Variants in BRINP3 observed in about 807,000 individuals in gnomAD.
BRINP3 encodes BMP/retinoic acid inducible neural specific 3.
In BRINP3, 19 loss-of-function variants were observed where a neutral mutation model predicts 71.0. That is an observed-to-expected ratio of 0.27 (90% confidence interval 0.19 to 0.39). The LOEUF is 0.39. Among genes scored for constraint, BRINP3 ranks in the 10% least tolerant of loss-of-function variants. The probability of loss-of-function intolerance (pLI) is 1.00; values close to 1 mark genes in which losing one functional copy is unlikely to be tolerated. For synonymous variants in BRINP3, 380 were observed against 337.7 expected, an observed-to-expected ratio of 1.13 and a Z score of -1.37; for missense variants, 959 against 940.8, an observed-to-expected ratio of 1.02 and a Z score of -0.25.
At chr1:190,454,104 G>C (rs1675829216) in intron 2 of BRINP3, among the ~76,000 whole-genome samples, 1 of 152,268 alleles carries the variant, frequency 6.6e-6, no homozygotes, top group East Asian at 1.9e-4. Context: ...AGATGTTAAA[G>C]ATCATATATC....
At chr1:190,443,743 T>C (rs1047245320) in intron 2 of BRINP3, among the ~76,000 whole-genome samples, 1 of 152,100 alleles carries the variant, frequency 6.6e-6, no homozygotes, top group Non-Finnish European at 1.5e-5. Context: ...CCACCAGCAG[T>C]TGGAAACATC....
intron 2 of BRINP3, among the ~76,000 whole-genome samples, chr1:190,321,463 A>C (rs909534122): frequency 1.4e-4 from 21 of 152,170 alleles, no homozygotes; most frequent in African/African-American, 4.3e-4. Context: ...ATTCTGATTT[A>C]TAGAAATAAA....
intron 2 of BRINP3, among the ~76,000 whole-genome samples, chr1:190,401,743 A>G (rs1462920390): frequency 6.6e-6 from 1 of 151,818 alleles, no homozygotes; most frequent in African/African-American, 2.4e-5. Flanking sequence ...ATAAAAGAAA[A>G]CAATTATTTT....
chr1:190,250,634 T>C (rs766007500), intron 4 of BRINP3, among the ~76,000 whole-genome samples: 2 of 151,914 alleles, frequency 1.3e-5, no homozygotes, highest in Non-Finnish European at 2.9e-5. Context: ...TAATAGGAAA[T>C]AAGAGACTCT....
chr1:190,472,551 T>C (rs1295268968), intron 1 of BRINP3, among the ~76,000 whole-genome samples: 1 of 151,680 alleles, frequency 6.6e-6, no homozygotes. Context: ...AATATGCAAT[T>C]TGCTAAATTA....
chr1:190,231,574 T>A (rs1265465697), intron 5 of BRINP3, among the ~76,000 whole-genome samples: 1 of 151,850 alleles, frequency 6.6e-6, no homozygotes, highest in Non-Finnish European at 1.5e-5. Context: ...AGAGGCACCT[T>A]GTTTGATGTG....
At chr1:190,112,070 C>T (rs1338592488) in intron 7 of BRINP3, among the ~76,000 whole-genome samples, 5 of 152,028 alleles carry the variant, frequency 3.3e-5, no homozygotes, top group Non-Finnish European at 7.4e-5. Flanking sequence ...GAAGTTGAGC[C>T]TATTGACCAA....
intron 6 of BRINP3, among the ~76,000 whole-genome samples, chr1:190,189,789 T>A (rs1295990121): frequency 6.6e-6 from 1 of 152,188 alleles, no homozygotes; most frequent in African/African-American, 2.4e-5. Context: ...GTCCATTTCA[T>A]GATGTCATGT....
At chr1:190,273,683 T>A (rs1358855922) in intron 3 of BRINP3, among the ~76,000 whole-genome samples, 1 of 151,584 alleles carries the variant, frequency 6.6e-6, no homozygotes, top group Admixed American at 6.6e-5. Context: ...TTCTGATCTT[T>A]AAATCATCTA....
At chr1:190,225,852 C>T (rs939777020) in intron 6 of BRINP3, among the ~76,000 whole-genome samples, 1 of 151,864 alleles carries the variant, frequency 6.6e-6, no homozygotes, top group African/African-American at 2.4e-5. Context: ...TATTAAGTGA[C>T]TAATACATCA....
At chr1:190,122,408 C>T (rs1375578211) in intron 7 of BRINP3, among the ~76,000 whole-genome samples, 1 of 151,958 alleles carries the variant, frequency 6.6e-6, no homozygotes, top group African/African-American at 2.4e-5. Context: ...TCAGAATAGG[C>T]TGGGCTCTAA....
intron 4 of BRINP3, among the ~76,000 whole-genome samples, chr1:190,244,258 C>A (rs1036547419): frequency 6.6e-6 from 1 of 151,428 alleles, no homozygotes; most frequent in Admixed American, 6.6e-5. Flanking sequence ...ACTAAAGTTG[C>A]AAAAAAAATA....
At chr1:190,388,324 C>T (rs1419126989) in intron 2 of BRINP3, among the ~76,000 whole-genome samples, 1 of 151,752 alleles carries the variant, frequency 6.6e-6, no homozygotes, top group Non-Finnish European at 1.5e-5. Context: ...CCAGACACTA[C>T]AAGGTACTGG....
chr1:190,471,970 A>G (rs192834930), intron 1 of BRINP3, among the ~76,000 whole-genome samples: 247 of 151,642 alleles, frequency 1.6e-3, no homozygotes, highest in African/African-American at 5.4e-3. Flanking sequence ...TTCATTTGAC[A>G]CCATAACACC....
chr1:190,306,087 G>T (rs1162286156), intron 2 of BRINP3, among the ~76,000 whole-genome samples: 1 of 151,740 alleles, frequency 6.6e-6, no homozygotes, highest in Admixed American at 6.6e-5. Context: ...TTATATCAAT[G>T]TTCTCATTCT....
chr1:190,324,158 A>G (rs1045599966), intron 2 of BRINP3, among the ~76,000 whole-genome samples: 1 of 151,998 alleles, frequency 6.6e-6, no homozygotes, highest in African/African-American at 2.4e-5. Context: ...GCAAGCTTCT[A>G]ACTTGTTTTG....
intron 7 of BRINP3, among the ~76,000 whole-genome samples, chr1:190,118,332 T>C (rs1653324202): frequency 6.6e-6 from 1 of 152,164 alleles, no homozygotes; most frequent in Non-Finnish European, 1.5e-5. Context: ...ATTTTTACTC[T>C]TAAAATCTTT....
At position 190,469,964 on chromosome 1, in the gene BRINP3, A is replaced by G. The variant is rs542788802; in HGVS notation, c.-51+7484T>C. ...TTTAGACTGGCTTACATTTTTGAACAGCATCTGAAACATTTCAAAGAAAAT... is the reference window on the plus strand; with the variant it reads ...TTTAGACTGGCTTACATTTTTGAACGGCATCTGAAACATTTCAAAGAAAAT... On this transcript the variant is annotated intron_variant, in intron 1 of 7. Coordinates refer to ENST00000367462, the MANE Select transcript of BRINP3 (RefSeq NM_199051.3). 2.6e-3 allele frequency among the ~76,000 whole-genome samples: 392 copies of G among 151,178 alleles called. 1 individual carries two copies. Among genetic ancestry groups the G allele is most frequent in the Non-Finnish European group, 4.3e-3 (286 of 67,138 alleles).
intron 2 of BRINP3, among the ~76,000 whole-genome samples, chr1:190,336,937 T>C (rs1460164194): frequency 6.7e-6 from 1 of 148,880 alleles, no homozygotes; most frequent in Non-Finnish European, 1.5e-5. Flanking sequence ...CCACCAAGAA[T>C]ACTAATGAAT....
Sources: allele counts gnomAD v4.1 joint callset (sites outside exome capture counted in the v4.1 genomes callset), GRCh38; gene constraint gnomAD v4.1.1; transcripts MANE v1.5; gene names NCBI Gene and HGNC (gene_info 2026-07-23, HGNC 2026-07-21).